Variants in ASAP1 observed in about 807,000 individuals in gnomAD.
The protein encoded by ASAP1 is arf-GAP with SH3 domain, ANK repeat and PH domain-containing protein 1.
In ASAP1, 43 loss-of-function variants were observed where a neutral mutation model predicts 145.2. The ratio of observed to expected loss-of-function variants is 0.30; its 90% CI spans 0.23 to 0.38. ASAP1 has a LOEUF of 0.38. Among genes scored for constraint, ASAP1 ranks in the 10% least tolerant of loss-of-function variants. The probability of loss-of-function intolerance (pLI) is 1.00; values close to 1 mark genes in which losing one functional copy is unlikely to be tolerated. For missense variants in ASAP1, 1,018 were observed against 1,355.3 expected (o/e 0.75, Z 3.91); for synonymous variants, 546 against 515.5 (o/e 1.06, Z -0.80).
At chr8:130,108,757 G>GTTTTTTTTTTTTTTTTT (rs10568607) in intron 24 of ASAP1, among the ~76,000 whole-genome samples, 1 of 51,524 alleles carries the variant, frequency 1.9e-5, no homozygotes, top group Non-Finnish European at 3.3e-5. Flanking sequence ...TCAAAAACCA[G>GTTTTTTTTTTTTTTTTT]TTTTTTTTTT....
At chr8:130,371,169 T>C (rs923663636) in intron 2 of ASAP1, among the ~76,000 whole-genome samples, 17 of 152,214 alleles carry the variant, frequency 1.1e-4, no homozygotes, top group African/African-American at 4.1e-4. Flanking sequence ...TTATTTATGA[T>C]TTTCTTTAAC....
At chr8:130,429,900 A>T (rs565910299) in intron 1 of ASAP1, among the ~76,000 whole-genome samples, 87 of 152,352 alleles carry the variant, frequency 5.7e-4, no homozygotes, top group Middle Eastern at 3.4e-3. Flanking sequence ...TCTCTATAAT[A>T]GCTGCCTGGA....
intron 1 of ASAP1, among the ~76,000 whole-genome samples, chr8:130,438,507 AG>A (rs1399205491): frequency 6.6e-6 from 1 of 152,200 alleles, no homozygotes; most frequent in Non-Finnish European, 1.5e-5. Context: ...GTGCTGTGCT[AG>A]GAAATGGACT....
chr8:130,065,603 C>T (rs138039220), intron 27 of ASAP1, among the ~76,000 whole-genome samples: 77 of 152,280 alleles, frequency 5.1e-4, no homozygotes, highest in Non-Finnish European at 8.2e-4. Flanking sequence ...GAACTGTGGA[C>T]GGATACCAAT....
In ASAP1 at chr8:130,072,791, A is replaced by ATGTGTG. The variant is rs1491261390; in HGVS notation, c.2701+3556_2701+3557insCACACA. Among the ~76,000 whole-genome samples the ATGTGTG allele has an allele frequency of 3.5e-3, 317 of 91,214 alleles. 17 individuals are homozygous for ATGTGTG. Among genetic ancestry groups the ATGTGTG allele is most frequent in the Middle Eastern group, 0.012 (2 of 172 alleles). The allele number at this position is 91,214 out of a possible 152,430, so 59.8% of individuals were successfully genotyped here. A position where few individuals can be genotyped will look rare whatever the true frequency, so the allele number is the denominator to read the frequency against. On this transcript the variant is annotated intron_variant, in intron 27 of 29. Coordinates refer to ENST00000518721, the MANE Select transcript of ASAP1 (RefSeq NM_018482.4). ...TTCTGAAGGCCTGGACTTGCAATTG[A>ATGTGTG]TATGTGTGTGTGTGTGTGTGTGTGT...
intron 16 of ASAP1, 38 bp from the exon 17 acceptor site, chr8:130,126,127 A>C (rs756723221): frequency 3.8e-6 from 6 of 1,581,358 alleles, no homozygotes; most frequent in African/African-American, 1.4e-5. Flanking sequence ...AACAAAAAAG[A>C]CATCTAATTT....
intron 4 of ASAP1, among the ~76,000 whole-genome samples, chr8:130,224,460 C>T (rs757251602): frequency 6.6e-6 from 1 of 151,792 alleles, no homozygotes; most frequent in Non-Finnish European, 1.5e-5. Flanking sequence ...TTTCCTTTCC[C>T]TTTTTCCAAT....
intron 3 of ASAP1, among the ~76,000 whole-genome samples, chr8:130,311,050 G>A (rs1299579783): frequency 6.6e-6 from 1 of 152,184 alleles, no homozygotes; most frequent in Non-Finnish European, 1.5e-5. Flanking sequence ...CCACAGTGGG[G>A]AGGACAGCCA....
In ASAP1 at chr8:130,307,307, G is replaced by A. The variant is rs115691216; in HGVS notation, c.186+50710C>T. Among the ~76,000 whole-genome samples the A allele has an allele frequency of 8.4e-3, 1,275 of 151,930 alleles. 21 individuals are homozygous for A. The highest frequency in any genetic ancestry group is 0.029 in the African/African-American group (1,204 of 41,490). The stretch of plus-strand genomic sequence containing the variant: ...ATAAGTGAATATAATTAAGTATTCA[G>A]GAAATAATATTTAACTATAAGTCAC... On this transcript the variant is annotated intron_variant, in intron 3 of 29. Transcript: ENST00000518721.
intron 2 of ASAP1, among the ~76,000 whole-genome samples, chr8:130,370,854 G>A (rs953975805): frequency 3.9e-5 from 6 of 152,182 alleles, no homozygotes; most frequent in African/African-American, 1.4e-4. Flanking sequence ...AATCTATAGA[G>A]ACAGAAAGCA....
intron 1 of ASAP1, among the ~76,000 whole-genome samples, chr8:130,434,964 T>G (rs1319889500): frequency 6.6e-6 from 1 of 152,168 alleles, no homozygotes; most frequent in Non-Finnish European, 1.5e-5. Context: ...CCACAGTGAT[T>G]ACAGGGCGAG....
At chr8:130,436,452 T>C (rs1278648077) in intron 1 of ASAP1, among the ~76,000 whole-genome samples, 1 of 152,076 alleles carries the variant, frequency 6.6e-6, no homozygotes, top group African/African-American at 2.4e-5. Flanking sequence ...TGCACCACCA[T>C]GTCTGGCTAA....
intron 2 of ASAP1, among the ~76,000 whole-genome samples, chr8:130,382,476 G>A (rs1178624680): frequency 6.6e-6 from 1 of 152,204 alleles, no homozygotes; most frequent in South Asian, 2.1e-4. Context: ...AGGAGAAGCA[G>A]AACAGGGAGG....
At chr8:130,242,630 C>T (rs1818609122) in intron 3 of ASAP1, among the ~76,000 whole-genome samples, 1 of 152,090 alleles carries the variant, frequency 6.6e-6, no homozygotes, top group African/African-American at 2.4e-5. Context: ...TCTCATGCAG[C>T]CTCACAGCCA....
intron 4 of ASAP1, among the ~76,000 whole-genome samples, chr8:130,221,861 C>G (rs1817311163): frequency 6.6e-6 from 1 of 152,202 alleles, no homozygotes. Context: ...TAAACCTCAT[C>G]CTCCCCATCT....
intron 1 of ASAP1, among the ~76,000 whole-genome samples, chr8:130,402,288 T>A (rs543055422): frequency 6.6e-6 from 1 of 152,116 alleles, no homozygotes; most frequent in African/African-American, 2.4e-5. Context: ...AACATAAAAT[T>A]AAAGTGTGCT....
At chr8:130,278,944 A>C (rs925519247) in intron 3 of ASAP1, among the ~76,000 whole-genome samples, 2 of 152,210 alleles carry the variant, frequency 1.3e-5, no homozygotes, top group Admixed American at 1.3e-4. Context: ...TAGTTCATTC[A>C]AAACAATCCT....
At chr8:130,087,933 CTT>C (rs2097497278) in intron 25 of ASAP1, among the ~76,000 whole-genome samples, 2 of 151,986 alleles carry the variant, frequency 1.3e-5, no homozygotes, top group African/African-American at 4.8e-5. Context: ...GGGTTTGAGA[CTT>C]TTGAGGTTGC....
intron 5 of ASAP1, among the ~76,000 whole-genome samples, chr8:130,192,956 AAAC>A (rs2136256839): frequency 6.6e-6 from 1 of 152,374 alleles, no homozygotes; most frequent in South Asian, 2.1e-4. Context: ...CAGAGTTTCT[AAAC>A]AACAGCCAAA....
Sources: allele counts gnomAD v4.1 joint callset (sites outside exome capture counted in the v4.1 genomes callset), GRCh38; gene constraint gnomAD v4.1.1; transcripts MANE v1.5; gene names NCBI Gene and HGNC (gene_info 2026-07-23, HGNC 2026-07-21).